ALCAM: variants seen among roughly 807,000 people sequenced by gnomAD.
The protein encoded by ALCAM is CD166 antigen.
ALCAM carries 30 observed loss-of-function variants against 70.9 expected under a neutral mutation model. That is an observed-to-expected ratio of 0.42 (90% confidence interval 0.32 to 0.57). The LOEUF (loss-of-function observed/expected upper bound fraction) is 0.57. Ranked by LOEUF, ALCAM falls within the 20% of genes least tolerant of loss-of-function variation. ALCAM has a pLI of 0.11. For missense variants in ALCAM, 591 were observed against 695.1 expected (o/e 0.85, Z 1.68); for synonymous variants, 249 against 242.5 (o/e 1.03, Z -0.25).
intron 1 of ALCAM, among the ~76,000 whole-genome samples, chr3:105,414,723 A>G (rs1936467369): frequency 1.3e-5 from 2 of 152,142 alleles, no homozygotes; most frequent in African/African-American, 4.8e-5. Context: ...ATAGGGGGAC[A>G]TAAATTTTAA....
intron 1 of ALCAM, among the ~76,000 whole-genome samples, chr3:105,489,780 T>A (rs6437598): frequency 0.013 from 2,001 of 152,312 alleles, 33 homozygotes; most frequent in African/African-American, 0.044. Flanking sequence ...TTCAATATAT[T>A]TTATTGTACT....
At chr3:105,376,791 G>T (rs1051305808) in intron 1 of ALCAM, among the ~76,000 whole-genome samples, 23 of 152,156 alleles carry the variant, frequency 1.5e-4, no homozygotes, top group Non-Finnish European at 4.4e-5. Context: ...ATCTAGCAAA[G>T]GATGTAGGCT....
intron 14 of ALCAM, among the ~76,000 whole-genome samples, chr3:105,553,859 T>C (rs1040090911): frequency 6.6e-6 from 1 of 151,954 alleles, no homozygotes; most frequent in African/African-American, 2.4e-5. Context: ...AGTGATGTTT[T>C]AGAATCTTTG....
chr3:105,547,328 T>C (rs749427148), intron 10 of ALCAM, 44 bp downstream of exon 10: 4 of 1,576,184 alleles, frequency 2.5e-6, no homozygotes, highest in Non-Finnish European at 3.4e-6. Context: ...TCTTTGAGAA[T>C]TTTTTACCTG....
At chr3:105,438,919 G>A (rs1412776083) in intron 1 of ALCAM, among the ~76,000 whole-genome samples, 2 of 152,134 alleles carry the variant, frequency 1.3e-5, no homozygotes, top group African/African-American at 2.4e-5. Flanking sequence ...AGGAGGGAGA[G>A]AGGGAAGGAA....
intron 1 of ALCAM, among the ~76,000 whole-genome samples, chr3:105,404,298 T>TCAAG (rs1218068733): frequency 2.0e-5 from 3 of 152,028 alleles, no homozygotes; most frequent in African/African-American, 7.2e-5. Flanking sequence ...CGTTATCTAG[T>TCAAG]CAAGACAAAA....
At chr3:105,442,587 C>T (rs941047543) in intron 1 of ALCAM, among the ~76,000 whole-genome samples, 7 of 151,912 alleles carry the variant, frequency 4.6e-5, no homozygotes, top group African/African-American at 1.5e-4. Flanking sequence ...CGATACCATC[C>T]TGGCTAACAT....
At chr3:105,492,572 A>G (rs1252478350) in intron 1 of ALCAM, among the ~76,000 whole-genome samples, 1 of 152,200 alleles carries the variant, frequency 6.6e-6, no homozygotes, top group Non-Finnish European at 1.5e-5. Flanking sequence ...GTCTGTGCTT[A>G]TTTCCATCTA....
At chr3:105,515,685 C>T (rs1177766102) in intron 1 of ALCAM, among the ~76,000 whole-genome samples, 1 of 151,992 alleles carries the variant, frequency 6.6e-6, no homozygotes, top group African/African-American at 2.4e-5. Context: ...CAGCAAAGCA[C>T]TCTCACGATA....
chr3:105,426,509 A>T lies in ALCAM; in HGVS notation c.73+59028A>T, dbSNP rs567240076. Among the ~76,000 whole-genome samples, 9 of 152,014 alleles carry T rather than the reference A, an allele frequency of 5.9e-5. No individual in the cohort carries two copies. The East Asian group carries it at 1.4e-3, about 23-fold the overall frequency. ...ATAGTTTCTTTATGATGAGAATATT[A>T]AAAAAGTCTCTTCTAGCTATTTTAA... On this transcript the variant is annotated intron_variant, in intron 1 of 15. Coordinates refer to ENST00000306107, the MANE Select transcript of ALCAM (RefSeq NM_001627.4).
chr3:105,488,775 A>G (rs1307381260), intron 1 of ALCAM, among the ~76,000 whole-genome samples: 2 of 151,886 alleles, frequency 1.3e-5, no homozygotes, highest in Admixed American at 1.3e-4. Flanking sequence ...ATGAATGAAT[A>G]TGTAGACCTG....
intron 1 of ALCAM, among the ~76,000 whole-genome samples, chr3:105,452,109 T>C (rs1937443504): frequency 6.6e-6 from 1 of 151,530 alleles, no homozygotes; most frequent in Admixed American, 6.6e-5. Context: ...GGTTTTTTTT[T>C]CTTCCAAAAA....
chr3:105,412,756 G>A (rs535769836), intron 1 of ALCAM, among the ~76,000 whole-genome samples: 1 of 151,910 alleles, frequency 6.6e-6, no homozygotes, highest in Non-Finnish European at 1.5e-5. Context: ...ACCTAATTTT[G>A]GAAAATACTT....
At chr3:105,417,588 C>T (rs1936536938) in intron 1 of ALCAM, among the ~76,000 whole-genome samples, 1 of 151,684 alleles carries the variant, frequency 6.6e-6, no homozygotes, top group South Asian at 2.1e-4. Flanking sequence ...ATTCTTTAGC[C>T]TTGTTTCTTT....
chr3:105,558,467 C>T (rs572825669), intron 14 of ALCAM, among the ~76,000 whole-genome samples: 2 of 152,022 alleles, frequency 1.3e-5, no homozygotes. Context: ...ACTGGCTGCA[C>T]CTACCACTGT....
intron 1 of ALCAM, among the ~76,000 whole-genome samples, chr3:105,396,021 G>A (rs1343461094): frequency 6.6e-6 from 1 of 151,928 alleles, no homozygotes; most frequent in African/African-American, 2.4e-5. Context: ...TTGGAGGAGG[G>A]GAATTTGATA....
At chr3:105,422,637 G>A (rs1230924471) in intron 1 of ALCAM, among the ~76,000 whole-genome samples, 1 of 151,314 alleles carries the variant, frequency 6.6e-6, no homozygotes, top group Non-Finnish European at 1.5e-5. Flanking sequence ...TGTCATTATG[G>A]TACAGTATTG....
rs140380821 is a variant in ALCAM, at chr3:105,380,754, C to A, written c.73+13273C>A. The stretch of plus-strand genomic sequence containing the variant: ...TATCAGTAAATGAAATCGTCCAATT[C>A]TCTGGTATATTTAAGAATTGTCAAC... On this transcript the variant is annotated intron_variant, in intron 1 of 15. Transcript: ENST00000306107. Among the ~76,000 whole-genome samples the A allele has an allele frequency of 2.9e-3, 443 of 151,884 alleles. 2 individuals are homozygous for A. Among genetic ancestry groups the A allele is most frequent in the African/African-American group, 9.8e-3 (408 of 41,488 alleles).
At chr3:105,497,656 A>G (rs1938785379) in intron 1 of ALCAM, among the ~76,000 whole-genome samples, 1 of 152,170 alleles carries the variant, frequency 6.6e-6, no homozygotes, top group Non-Finnish European at 1.5e-5. Context: ...GGAAGATTAT[A>G]TCCCAAGTTT....
Sources: gnomAD v4.1 joint callset for allele counts (sites outside exome capture counted in the v4.1 genomes callset) on GRCh38, gnomAD v4.1.1 for gene constraint, MANE v1.5 for transcripts, NCBI Gene and HGNC (gene_info 2026-07-23, HGNC 2026-07-21) for gene names.